Variants in EVL observed in about 807,000 individuals in gnomAD.
EVL encodes ena/VASP-like protein.
EVL carries 21 observed loss-of-function variants against 59.6 expected under a neutral mutation model. That is an observed-to-expected ratio of 0.35 (90% CI 0.25 to 0.51). The LOEUF is 0.51. Among genes scored for constraint, EVL ranks in the 20% least tolerant of loss-of-function variants. The pLI is 0.97. For missense variants in EVL, 462 were observed against 546.6 expected, an observed-to-expected ratio of 0.85 and a Z score of 1.54; for synonymous variants, 198 against 203.5, an observed-to-expected ratio of 0.97 and a Z score of 0.23.
intron 1 of EVL, among the ~76,000 whole-genome samples, chr14:100,006,089 C>G (rs977108077): frequency 3.3e-5 from 5 of 151,600 alleles, no homozygotes; most frequent in African/African-American, 1.2e-4. Context: ...GGCCTCGTTC[C>G]CCATAATTTG....
intron 4 of EVL, among the ~76,000 whole-genome samples, chr14:100,124,622 A>C (rs1887911256): frequency 6.6e-6 from 1 of 152,296 alleles, no homozygotes; most frequent in Admixed American, 6.5e-5. Flanking sequence ...CTAGACTGGC[A>C]GTCAAGTCTC....
At chr14:100,137,925 G>A in intron 11 of EVL, 123 bp downstream of exon 11, 1 of 999,736 alleles carries the variant, frequency 1.0e-6, no homozygotes, top group Non-Finnish European at 1.5e-6. Flanking sequence ...GCTCTGCGAA[G>A]GTGGTCTGTT....
intron 2 of EVL, among the ~76,000 whole-genome samples, chr14:100,088,676 G>A (rs2062499650): frequency 6.6e-6 from 1 of 152,142 alleles, no homozygotes; most frequent in Non-Finnish European, 1.5e-5. Context: ...GTCTGTTGTT[G>A]ACCAAAACAT....
At chr14:100,071,461 G>A (rs774644800) in intron 1 of EVL, among the ~76,000 whole-genome samples, 3 of 152,144 alleles carry the variant, frequency 2.0e-5, no homozygotes, top group Non-Finnish European at 4.4e-5. Context: ...ATTTTCCAGA[G>A]CTATGTGATG....
At chr14:99,976,378 C>A (rs1423030907) in intron 1 of EVL, among the ~76,000 whole-genome samples, 1 of 151,988 alleles carries the variant, frequency 6.6e-6, no homozygotes, top group African/African-American at 2.4e-5. Flanking sequence ...TTTTATACTT[C>A]CAAGCTATCT....
At chr14:100,010,677 G>A (rs896833422) in intron 1 of EVL, among the ~76,000 whole-genome samples, 5 of 152,206 alleles carry the variant, frequency 3.3e-5, no homozygotes, top group African/African-American at 4.8e-5. Flanking sequence ...GATTACAGGC[G>A]TTGAGCCACT....
intron 10 of EVL, 36 bp downstream of exon 10, chr14:100,137,680 G>C (rs773507524): frequency 1.2e-6 from 2 of 1,614,124 alleles, no homozygotes; most frequent in Non-Finnish European, 1.7e-6. Context: ...CAGCGAGGCT[G>C]GTGGGGCAGA....
chr14:100,132,909 AG>A (rs1888528024), intron 8 of EVL, 130 bp downstream of exon 8: 3 of 998,846 alleles, frequency 3.0e-6, no homozygotes. Flanking sequence ...GATTCACAGG[AG>A]GGGCGGAGGG....
In EVL at chr14:100,132,792, C is replaced by T. The variant is rs1424707682; in HGVS notation, c.900+13C>T. On this transcript the variant is annotated intron_variant, in intron 8 of 13. Coordinates refer to ENST00000392920, the MANE Select transcript of EVL (RefSeq NM_016337.3). ...TGAAAGCCAAATGGTGAGCAAGCAG[C>T]CCGCCCCACCCTCAGGCTCCCCACT... The T allele has an allele frequency of 6.2e-7, 1 of 1,613,728 alleles. No individual in the cohort carries two copies. Among genetic ancestry groups the T allele is most frequent in the Non-Finnish European group, 8.5e-7 (1 of 1,179,942 alleles).
intron 1 of EVL, among the ~76,000 whole-genome samples, chr14:100,045,842 C>T (rs540566752): frequency 6.6e-6 from 1 of 152,138 alleles, no homozygotes; most frequent in Non-Finnish European, 1.5e-5. Context: ...TCAATGAATT[C>T]TTGGAATGCT....
At chr14:100,102,199 C>G (rs1886263756) in intron 3 of EVL, 1 of 452,884 alleles carries the variant, frequency 2.2e-6, no homozygotes, top group Non-Finnish European at 4.5e-6. Context: ...GCAATTTCAT[C>G]TTTTCTGTTA....
intron 1 of EVL, among the ~76,000 whole-genome samples, chr14:100,053,925 G>A (rs2061685644): frequency 6.6e-6 from 1 of 152,084 alleles, no homozygotes. Context: ...GAGAATACAG[G>A]CGTGAGCCAC....
At chr14:99,975,956 GTA>G (rs1279116313) in intron 1 of EVL, among the ~76,000 whole-genome samples, 1 of 152,028 alleles carries the variant, frequency 6.6e-6, no homozygotes, top group Non-Finnish European at 1.5e-5. Context: ...CTCCTCTGCT[GTA>G]TATAATCTGC....
intron 1 of EVL, among the ~76,000 whole-genome samples, chr14:100,013,855 A>C (rs1044050421): frequency 2.0e-5 from 3 of 152,232 alleles, no homozygotes; most frequent in African/African-American, 7.2e-5. Flanking sequence ...TATTATGCAG[A>C]CAGTAAAAAA....
intron 1 of EVL, among the ~76,000 whole-genome samples, chr14:99,991,889 A>G (rs2140178531): frequency 6.6e-6 from 1 of 152,082 alleles, no homozygotes; most frequent in African/African-American, 2.4e-5. Flanking sequence ...AAAGTTATAC[A>G]TAAATATTCA....
At chr14:100,063,658 A>G (rs138182842), upstream of EVL, among the ~76,000 whole-genome samples, 271 of 152,358 alleles carry the variant, frequency 1.8e-3, no homozygotes, top group Non-Finnish European at 3.0e-3. Flanking sequence ...AACAACAGCA[A>G]CAAAAAGTAA....
At chr14:100,047,414 A>G (rs2061571430) in intron 1 of EVL, among the ~76,000 whole-genome samples, 1 of 152,072 alleles carries the variant, frequency 6.6e-6, no homozygotes, top group Non-Finnish European at 1.5e-5. Context: ...CATTGGGCAG[A>G]ATCGTCTCCC....
intron 1 of EVL, among the ~76,000 whole-genome samples, chr14:100,033,493 T>C (rs2061344372): frequency 6.6e-6 from 1 of 152,248 alleles, no homozygotes; most frequent in Non-Finnish European, 1.5e-5. Flanking sequence ...TGGATCTGTA[T>C]CTTCTAACTA....
chr14:100,068,167 G>A (rs971719154), intron 1 of EVL, among the ~76,000 whole-genome samples: 1 of 152,202 alleles, frequency 6.6e-6, no homozygotes, highest in Admixed American at 6.5e-5. Context: ...TAGGGGACAT[G>A]TGGGGACATG....
Sources: gnomAD v4.1 joint callset for allele counts (sites outside exome capture counted in the v4.1 genomes callset) on GRCh38, gnomAD v4.1.1 for gene constraint, MANE v1.5 for transcripts, NCBI Gene and HGNC (gene_info 2026-07-23, HGNC 2026-07-21) for gene names.